Variants in GPRIN3 observed in about 807,000 individuals in gnomAD.
GPRIN3 encodes G protein-regulated inducer of neurite outgrowth 3.
In GPRIN3, 12 loss-of-function variants were observed where a neutral mutation model predicts 13.7. The ratio of observed to expected loss-of-function variants is 0.87; its 90% CI spans 0.56 to 1.42. The LOEUF (loss-of-function observed/expected upper bound fraction) is 1.42. Ranked by LOEUF, GPRIN3 falls within the 40% of genes most tolerant of loss-of-function variation. GPRIN3 has a pLI of 0.00. For synonymous variants in GPRIN3, 377 were observed against 372.7 expected (o/e 1.01, Z -0.13); for missense variants, 1,009 against 958.7 (o/e 1.05, Z -0.69).
At chr4:89,287,658 GC>G in intron 1 of GPRIN3, among the ~76,000 whole-genome samples, 1 of 152,282 alleles carries the variant, frequency 6.6e-6, no homozygotes, top group Admixed American at 6.5e-5. Context: ...CTAGACACAA[GC>G]CTATTATGAA....
At chr4:89,281,556 C>T (rs1393987139) in intron 1 of GPRIN3, among the ~76,000 whole-genome samples, 1 of 152,186 alleles carries the variant, frequency 6.6e-6, no homozygotes, top group African/African-American at 2.4e-5. Flanking sequence ...CCAGACCCCA[C>T]CTCCAACACT....
At chr4:89,276,789 A>T (rs1724105480) in intron 1 of GPRIN3, among the ~76,000 whole-genome samples, 1 of 152,138 alleles carries the variant, frequency 6.6e-6, no homozygotes, top group Non-Finnish European at 1.5e-5. Context: ...TCATCTGTGG[A>T]GGGGACAATG....
intron 1 of GPRIN3, among the ~76,000 whole-genome samples, chr4:89,251,883 A>C (rs956120288): frequency 3.9e-4 from 59 of 152,326 alleles, no homozygotes; most frequent in African/African-American, 1.4e-3. Flanking sequence ...GGGAGATGAA[A>C]GTACCCAAAG....
chr4:89,286,091 G>GTATATATATATATATATATATATA (rs35444036), intron 1 of GPRIN3, among the ~76,000 whole-genome samples: 3 of 146,656 alleles, frequency 2.0e-5, no homozygotes, highest in African/African-American at 7.6e-5. Context: ...ATGTGTGTGT[G>GTATATATATATATATATATATATA]TATATATATA....
In GPRIN3 at chr4:89,248,772, TC is replaced by T. The variant is rs773994882; in HGVS notation, c.1338del (p.Arg447GlyfsTer17). ...AGCTTTTTAGCAGTTGACTCTTCCC[TC>T]ACTGGAGTCATTCCTGCTAACCTCC... is the stretch of plus-strand genomic sequence containing the variant. ...EDGRLAGMTP[V>X]REESTAKKLA... On this transcript the variant is annotated frameshift_variant, in exon 2 of 2. Coordinates refer to ENST00000609438, the MANE Select transcript of GPRIN3 (RefSeq NM_198281.3). LOFTEE classifies it low-confidence loss of function (END_TRUNC). 6.2e-7 allele frequency: 1 copy of T among 1,614,180 alleles called. No homozygotes were observed. Among genetic ancestry groups the T allele is most frequent in the East Asian group, 2.2e-5 (1 of 44,864 alleles).
intron 1 of GPRIN3, chr4:89,251,177 T>C (rs1723315640): frequency 6.6e-6 from 1 of 152,106 alleles, no homozygotes; most frequent in South Asian, 2.1e-4. Context: ...GTTTACAAGA[T>C]ACGAAATTTA....
chr4:89,255,297 G>T (rs1292620934), intron 1 of GPRIN3, among the ~76,000 whole-genome samples: 1 of 152,160 alleles, frequency 6.6e-6, no homozygotes, highest in African/African-American at 2.4e-5. Context: ...AGCCTCATTG[G>T]GTTGTCATGA....
At chr4:89,268,487 T>C (rs1373439405) in intron 1 of GPRIN3, among the ~76,000 whole-genome samples, 1 of 152,186 alleles carries the variant, frequency 6.6e-6, no homozygotes, top group African/African-American at 2.4e-5. Flanking sequence ...TGAGTGGCTA[T>C]GCCAAGGGTA....
chr4:89,293,980 T>C (rs891673), intron 1 of GPRIN3, among the ~76,000 whole-genome samples: 151,942 of 152,334 alleles, frequency 1, 75,777 homozygotes, highest in East Asian at 1. Context: ...ATAGTACTAA[T>C]GTACTGAGCC....
In GPRIN3 at chr4:89,245,140, C is replaced by T. The variant is rs1209245124; in HGVS notation, c.*2640G>A. The T allele has an allele frequency of 2.0e-5, 3 of 152,162 alleles. No homozygotes were observed. Among genetic ancestry groups the T allele is most frequent in the African/African-American group, 7.2e-5 (3 of 41,442 alleles). The allele number at this position is 152,162 out of a possible 1,614,324, so 9.4% of individuals were successfully genotyped here. ...TGAGAGTAACTTAGGGGAGGTATCA[C>T]AATACAAAAATGCTGCTGTCTTGAA... On this transcript the variant is annotated 3_prime_UTR_variant, in exon 2 of 2. Coordinates refer to ENST00000609438, the MANE Select transcript of GPRIN3 (RefSeq NM_198281.3).
intron 1 of GPRIN3, among the ~76,000 whole-genome samples, chr4:89,300,656 GTAGACAATCCCTCA>G (rs1240983483): frequency 6.6e-6 from 1 of 152,080 alleles, no homozygotes; most frequent in Non-Finnish European, 1.5e-5. Context: ...ATCCACTTGG[GTAGACAATCCCTCA>G]TATGAAAGGA....
At chr4:89,264,500 G>C (rs1723730907) in intron 1 of GPRIN3, among the ~76,000 whole-genome samples, 1 of 152,132 alleles carries the variant, frequency 6.6e-6, no homozygotes, top group Non-Finnish European at 1.5e-5. Flanking sequence ...CCTTATACTT[G>C]GTTCTTTTTT....
rs1723134861 is a variant in GPRIN3, at chr4:89,247,467, GA to G, written c.*312del. 3.9e-6 allele frequency: 1 copy of G among 258,602 alleles called. No individual in the cohort carries two copies. The highest frequency in any genetic ancestry group is 4.9e-5 in the Admixed American group (1 of 20,448). The allele number at this position is 258,602 out of a possible 1,614,324, so 16.0% of individuals were successfully genotyped here. ...TTATACAAAATAATACATGTATAAT[GA>G]TACAATAATGCTATTTCTATGAACA... On this transcript the variant is annotated 3_prime_UTR_variant, in exon 2 of 2. Transcript: ENST00000609438.
At chr4:89,296,961 T>C (rs1050373870) in intron 1 of GPRIN3, among the ~76,000 whole-genome samples, 1 of 152,194 alleles carries the variant, frequency 6.6e-6, no homozygotes, top group Admixed American at 6.5e-5. Flanking sequence ...CAGAAGTCCA[T>C]AAAATCGTAC....
At chr4:89,279,635 A>C (rs924199149) in intron 1 of GPRIN3, among the ~76,000 whole-genome samples, 2 of 152,352 alleles carry the variant, frequency 1.3e-5, no homozygotes, top group South Asian at 4.1e-4. Flanking sequence ...ACTTGGCCAA[A>C]ACAAATGAAC....
intron 1 of GPRIN3, among the ~76,000 whole-genome samples, chr4:89,257,688 G>A (rs970396140): frequency 1.3e-5 from 2 of 152,192 alleles, no homozygotes; most frequent in Admixed American, 1.3e-4. Flanking sequence ...AGGGAAGAGA[G>A]ACCTCTTTTA....
In GPRIN3 at chr4:89,243,831, CT is replaced by C. The variant is rs1462891524; in HGVS notation, c.*3948del. The C allele has an allele frequency of 1.3e-5, 2 of 152,114 alleles. No homozygotes were observed. The highest frequency in any genetic ancestry group is 6.6e-5 in the Admixed American group (1 of 15,264). The allele number at this position is 152,114 out of a possible 1,614,324, so 9.4% of individuals were successfully genotyped here. A position where few individuals can be genotyped will look rare whatever the true frequency, so the allele number is the denominator to read the frequency against. On this transcript the variant is annotated 3_prime_UTR_variant, in exon 2 of 2. Transcript: ENST00000609438. ...AACCTTATCCTAATGTATTGTTTTT[CT>C]TTATACTGATTCATAAAAGTAGACA... is the stretch of plus-strand genomic sequence containing the variant.
chr4:89,299,160 G>A (rs1724821855), intron 1 of GPRIN3, among the ~76,000 whole-genome samples: 1 of 152,018 alleles, frequency 6.6e-6, no homozygotes, highest in Admixed American at 6.6e-5. Context: ...GTGACAGGAC[G>A]CTTGATACTT....
At chr4:89,272,457 C>T (rs1309952882) in intron 1 of GPRIN3, among the ~76,000 whole-genome samples, 1 of 152,188 alleles carries the variant, frequency 6.6e-6, no homozygotes, top group Non-Finnish European at 1.5e-5. Flanking sequence ...TATCACTGCA[C>T]TTATCAGTTT....
Sources: allele counts gnomAD v4.1 joint callset (sites outside exome capture counted in the v4.1 genomes callset), GRCh38; gene constraint gnomAD v4.1.1; transcripts MANE v1.5; gene names NCBI Gene and HGNC (gene_info 2026-07-23, HGNC 2026-07-21).